Variants in ANK3 observed in about 807,000 individuals in gnomAD.
The protein encoded by ANK3 is ankyrin-3.
ANK3 carries 57 observed loss-of-function variants against 370.9 expected under a neutral mutation model. The ratio of observed to expected loss-of-function variants is 0.15; its 90% CI spans 0.12 to 0.19. The LOEUF is 0.19. Among genes scored for constraint, ANK3 ranks in the 10% least tolerant of loss-of-function variants. The pLI is 1.00. For synonymous variants in ANK3, 1,929 were observed against 1,946.3 expected (o/e 0.99, Z 0.23); for missense variants, 4,439 against 5,302.1 (o/e 0.84, Z 5.06).
At chr10:60,090,916 CT>C (rs565348979) in intron 28 of ANK3, among the ~76,000 whole-genome samples, 1,807 of 148,236 alleles carry the variant, frequency 0.012, 28 homozygotes, top group Non-Finnish European at 0.02. Flanking sequence ...TTACTGACAT[CT>C]TTTTTTTTTT....
At chr10:60,494,855 T>C (rs2075614013) in intron 2 of ANK3, among the ~76,000 whole-genome samples, 2 of 152,206 alleles carry the variant, frequency 1.3e-5, no homozygotes, top group Admixed American at 6.5e-5. Context: ...TATATACTTA[T>C]AGATACAGCA....
chr10:60,470,114 G>A (rs1038762914), intron 2 of ANK3, among the ~76,000 whole-genome samples: 15 of 152,122 alleles, frequency 9.9e-5, no homozygotes, highest in South Asian at 6.2e-4. Flanking sequence ...AAAGTTTTTC[G>A]GCTTTCCTTG....
intron 23 of ANK3, among the ~76,000 whole-genome samples, chr10:60,150,219 G>T (rs1156817505): frequency 6.6e-6 from 1 of 152,012 alleles, no homozygotes; most frequent in African/African-American, 2.4e-5. Context: ...CTCATCCGGT[G>T]CCTGGCGTCT....
intron 2 of ANK3, among the ~76,000 whole-genome samples, chr10:60,483,215 G>A (rs1209797358): frequency 6.6e-6 from 1 of 152,158 alleles, no homozygotes; most frequent in Non-Finnish European, 1.5e-5. Context: ...CAAGGCCCAG[G>A]CATTCAATCA....
chr10:60,629,090 TC>T (rs1012632614), intron 1 of ANK3, among the ~76,000 whole-genome samples: 1 of 152,032 alleles, frequency 6.6e-6, no homozygotes, highest in African/African-American at 2.4e-5. Context: ...ATTTCTGAGT[TC>T]CATTTCAAAG....
chr10:60,682,902 C>T (rs1190361032), intron 1 of ANK3, among the ~76,000 whole-genome samples: 1 of 152,154 alleles, frequency 6.6e-6, no homozygotes, highest in African/African-American at 2.4e-5. Flanking sequence ...TTAATTGAAC[C>T]CAAACAAGGG....
intron 1 of ANK3, among the ~76,000 whole-genome samples, chr10:60,298,283 T>C (rs2042963006): frequency 6.6e-6 from 1 of 152,098 alleles, no homozygotes; most frequent in South Asian, 2.1e-4. Flanking sequence ...ATACAGAAAA[T>C]CTCTAAACAA....
At chr10:60,532,335 G>C (rs114278442) in intron 2 of ANK3, among the ~76,000 whole-genome samples, 1 of 152,080 alleles carries the variant, frequency 6.6e-6, no homozygotes, top group Admixed American at 6.6e-5. Flanking sequence ...TACACAACCA[G>C]GGTGCTGCTG....
chr10:60,428,245 C>A (rs2063933519), intron 2 of ANK3, among the ~76,000 whole-genome samples: 1 of 152,154 alleles, frequency 6.6e-6, no homozygotes, highest in African/African-American at 2.4e-5. Context: ...ATGAGGCTGT[C>A]TGAAACATGA....
chr10:60,420,061 G>T (rs1277121965), intron 2 of ANK3, among the ~76,000 whole-genome samples: 1 of 151,996 alleles, frequency 6.6e-6, no homozygotes. Flanking sequence ...ACGCCATTAA[G>T]CAAAACATTG....
At chr10:60,326,350 CA>C (rs1307055544) in intron 1 of ANK3, among the ~76,000 whole-genome samples, 2 of 152,114 alleles carry the variant, frequency 1.3e-5, no homozygotes, top group Non-Finnish European at 2.9e-5. Flanking sequence ...AGTTTTGACA[CA>C]AGCCTCCATG....
intron 2 of ANK3, among the ~76,000 whole-genome samples, chr10:60,478,416 A>T (rs1371896976): frequency 6.6e-6 from 1 of 152,096 alleles, no homozygotes; most frequent in Non-Finnish European, 1.5e-5. Flanking sequence ...AACTGAATGG[A>T]ATGAAGAATG....
intron 19 of ANK3, 25 bp from the exon 20 acceptor site, chr10:60,173,023 G>A (rs746271548): frequency 7.7e-5 from 123 of 1,607,314 alleles, no homozygotes; most frequent in Non-Finnish European, 1.0e-4. Flanking sequence ...TGGAAGAGAT[G>A]ATTCTTAATT....
At chr10:60,538,557 T>G (rs2076774775) in intron 2 of ANK3, among the ~76,000 whole-genome samples, 2 of 151,930 alleles carry the variant, frequency 1.3e-5, no homozygotes, top group Admixed American at 6.6e-5. Context: ...TATCCAGTCA[T>G]GCATATAGCC....
intron 2 of ANK3, among the ~76,000 whole-genome samples, chr10:60,422,115 A>T (rs2063790509): frequency 6.6e-6 from 1 of 152,080 alleles, no homozygotes; most frequent in Non-Finnish European, 1.5e-5. Flanking sequence ...CTTTGCTTGC[A>T]GTAGTTTTTA....
At chr10:60,141,927 A>G (rs1565277821) in intron 23 of ANK3, among the ~76,000 whole-genome samples, 2 of 152,210 alleles carry the variant, frequency 1.3e-5, no homozygotes, top group African/African-American at 2.4e-5. Flanking sequence ...TGTCTGGAAC[A>G]TATTGAAAAC....
At chr10:60,197,286 AAC>A (rs2096601760) in intron 14 of ANK3, among the ~76,000 whole-genome samples, 1 of 152,170 alleles carries the variant, frequency 6.6e-6, no homozygotes, top group Non-Finnish European at 1.5e-5. Flanking sequence ...ACAAATATGC[AAC>A]ACTTGGATAT....
At chr10:60,292,835 G>A (rs1379517406) in intron 1 of ANK3, among the ~76,000 whole-genome samples, 2 of 151,832 alleles carry the variant, frequency 1.3e-5, no homozygotes, top group African/African-American at 4.8e-5. Context: ...AGCCTCCTGA[G>A]TAGCTGGAAT....
chr10:60,053,790 G>A (rs1367243000), intron 42 of ANK3: 1 of 1,266,912 alleles, frequency 7.9e-7, no homozygotes, highest in Admixed American at 2.4e-5. Context: ...TGACCTAGTT[G>A]GTTGCTATTA....
Sources: gnomAD v4.1 joint callset for allele counts (sites outside exome capture counted in the v4.1 genomes callset) on GRCh38, gnomAD v4.1.1 for gene constraint, MANE v1.5 for transcripts, NCBI Gene and HGNC (gene_info 2026-07-23, HGNC 2026-07-21) for gene names.